SAR1A: variants seen among roughly 807,000 people sequenced by gnomAD.
SAR1A encodes the protein secretion associated Ras related GTPase 1A.
Under a neutral mutation model 22.6 loss-of-function variants are expected in SAR1A, and 6 were observed. The observed-to-expected ratio is 0.27, with a 90% CI of 0.15 to 0.52. The LOEUF (loss-of-function observed/expected upper bound fraction) is 0.52. Among genes scored for constraint, SAR1A ranks in the 20% least tolerant of loss-of-function variants. SAR1A has a pLI of 0.96. For synonymous variants in SAR1A, 70 were observed against 82.2 expected, an observed-to-expected ratio of 0.85 and a Z score of 0.80; for missense variants, 145 against 245.1, an observed-to-expected ratio of 0.59 and a Z score of 2.73.
At chr10:70,161,309 C>T in intron 3 of SAR1A, 1 of 551,380 alleles carries the variant, frequency 1.8e-6, no homozygotes, top group Non-Finnish European at 3.2e-6. Flanking sequence ...AAAAGGAATA[C>T]AAGGGTGAAA....
At chr10:70,162,284 G>A (rs1331360421) in intron 1 of SAR1A, among the ~76,000 whole-genome samples, 1 of 150,994 alleles carries the variant, frequency 6.6e-6, no homozygotes, top group Non-Finnish European at 1.5e-5. Context: ...AGGCTGCAGT[G>A]AGGCATGACG....
chr10:70,157,296 C>A (rs1046534505), intron 5 of SAR1A, among the ~76,000 whole-genome samples: 2 of 151,150 alleles, frequency 1.3e-5, no homozygotes, highest in Non-Finnish European at 2.9e-5. Context: ...CCCAGCTACT[C>A]GGGAGGCTGA....
chr10:70,161,177 A>G, intron 3 of SAR1A, 108 bp from the exon 4 acceptor site: 1 of 854,284 alleles, frequency 1.2e-6, no homozygotes, highest in South Asian at 1.7e-5. Flanking sequence ...AAAAAGATAC[A>G]AGAAGTTGAG....
At chr10:70,158,619 T>A (rs371707053) in intron 4 of SAR1A, among the ~76,000 whole-genome samples, 1 of 152,276 alleles carries the variant, frequency 6.6e-6, no homozygotes, top group African/African-American at 2.4e-5. Context: ...TCTACATCAG[T>A]TAATAATGGT....
At chr10:70,168,590 T>C (rs1047142184) in intron 1 of SAR1A, among the ~76,000 whole-genome samples, 1 of 151,652 alleles carries the variant, frequency 6.6e-6, no homozygotes, top group African/African-American at 2.4e-5. Context: ...AAAAACTCCA[T>C]CTCAAAAAAA....
Position 70,151,224 on chromosome 10 carries a change from G to C in SAR1A, c.*1252C>G, listed in dbSNP as rs1288102117. On this transcript the variant is annotated 3_prime_UTR_variant, in exon 7 of 7. Coordinates refer to ENST00000373241, the MANE Select transcript of SAR1A (RefSeq NM_020150.5). ...AAGTTTTTGGGTTAGTGTTTCCCTAGCTTATTTCTGCAATGGAGAAAGACA... is the reference window on the plus strand; with the variant it reads ...AAGTTTTTGGGTTAGTGTTTCCCTACCTTATTTCTGCAATGGAGAAAGACA... The C allele has an allele frequency of 9.7e-6, 1 of 103,416 alleles. No homozygotes were observed. The highest frequency in any genetic ancestry group is 3.6e-5 in the African/African-American group (1 of 28,168). 6.4% of individuals were successfully genotyped at this position (103,416 alleles called of 1,614,324 possible).
rs568822485 is a variant in SAR1A at position 70,150,894 on chromosome 10, G to C, written c.*1582C>G. On this transcript the variant is annotated 3_prime_UTR_variant, in exon 7 of 7. Transcript: ENST00000373241. Reference sequence around the variant, plus strand: ...AATAAGAATGAGAACTCCAACTAAAGAACAATGCCTCCCTCACCCCAGTAA... The same window carrying C: ...AATAAGAATGAGAACTCCAACTAAACAACAATGCCTCCCTCACCCCAGTAA... The C allele has an allele frequency of 2.0e-5, 3 of 152,390 alleles. No homozygotes were observed. The highest frequency in any genetic ancestry group is 2.1e-4 in the South Asian group (1 of 4,824). The allele number at this position is 152,390 out of a possible 1,614,324, so 9.4% of individuals were successfully genotyped here.
At chr10:70,161,129 G>C in intron 3 of SAR1A, 60 bp from the exon 4 acceptor site, 1 of 1,211,328 alleles carries the variant, frequency 8.3e-7, no homozygotes, top group Non-Finnish European at 1.2e-6. Context: ...CCAACTACTA[G>C]TACTATAAGC....
At position 70,160,997 on chromosome 10, in the gene SAR1A, C is replaced by T. The variant is rs761939025; in HGVS notation, c.244+7G>A. The stretch of plus-strand genomic sequence containing the variant: ...ATAAACATGCTTTCCACTGAGTCAT[C>T]ACTTACCTTGCTCGTGCCCACCAAG... On this transcript the variant is annotated splice_region_variant and intron_variant, in intron 4 of 6. Coordinates refer to ENST00000373241, the MANE Select transcript of SAR1A (RefSeq NM_020150.5). The T allele has an allele frequency of 3.0e-5, 48 of 1,609,150 alleles. No homozygotes were observed. Among genetic ancestry groups the T allele is most frequent in the East Asian group, 2.5e-4 (11 of 44,746 alleles).
At position 70,150,704 on chromosome 10, in the gene SAR1A, C is replaced by T. The variant is rs1839315289; in HGVS notation, c.*1772G>A. 6.6e-6 allele frequency: 1 copy of T among 152,256 alleles called. No homozygotes were observed. The highest frequency in any genetic ancestry group is 2.4e-5 in the African/African-American group (1 of 41,458). 9.4% of individuals were successfully genotyped at this position (152,256 alleles called of 1,614,324 possible). A position where few individuals can be genotyped will look rare whatever the true frequency, so the allele number is the denominator to read the frequency against. ...TCATTCACTGTTAGCTAGATTTGTT[C>T]ACTTAAGGCTTTAACCCCTTTCCAA... is the stretch of plus-strand genomic sequence containing the variant. On this transcript the variant is annotated 3_prime_UTR_variant, in exon 7 of 7. Transcript: ENST00000373241.
chr10:70,162,094 T>C (rs1839475534), intron 1 of SAR1A, among the ~76,000 whole-genome samples, 163 bp from the exon 2 acceptor site: 1 of 152,042 alleles, frequency 6.6e-6, no homozygotes, highest in Admixed American at 6.5e-5. Context: ...AATCCCAGCA[T>C]TTGGGAAAGC....
At chr10:70,164,007 G>C in intron 1 of SAR1A, 1 of 967,488 alleles carries the variant, frequency 1.0e-6, no homozygotes. Context: ...ACTTCACCAT[G>C]TGATGACAAA....
intron 5 of SAR1A, 176 bp downstream of exon 5, chr10:70,157,588 A>T: frequency 1.8e-6 from 1 of 555,546 alleles, no homozygotes; most frequent in Non-Finnish European, 3.2e-6. Flanking sequence ...TCCTCAGGAC[A>T]TTGAAAAGCA....
intron 6 of SAR1A, among the ~76,000 whole-genome samples, chr10:70,153,329 T>C (rs902990821): frequency 1.3e-5 from 2 of 152,194 alleles, no homozygotes; most frequent in African/African-American, 4.8e-5. Flanking sequence ...CTTTTTCTGG[T>C]TTTATCACTG....
chr10:70,151,596 C>T lies in SAR1A; in HGVS notation c.*880G>A, dbSNP rs1839327841. 6.6e-6 allele frequency: 1 copy of T among 152,576 alleles called. No individual in the cohort carries two copies. The highest frequency in any genetic ancestry group is 1.5e-5 in the Non-Finnish European group (1 of 68,038). The allele number at this position is 152,576 out of a possible 1,614,324, so 9.5% of individuals were successfully genotyped here. ...TGCAGTATGTGACACGAGAGATGTT[C>T]TCAACTCTTTTATGAGGTCAAAGTC... On this transcript the variant is annotated 3_prime_UTR_variant, in exon 7 of 7. Coordinates refer to ENST00000373241, the MANE Select transcript of SAR1A (RefSeq NM_020150.5).
chr10:70,160,773 C>T (rs1192700425), intron 4 of SAR1A, among the ~76,000 whole-genome samples: 3 of 151,940 alleles, frequency 2.0e-5, no homozygotes, highest in African/African-American at 7.3e-5. Context: ...TATCCCAGCT[C>T]AATAGGGTAA....
At chr10:70,158,490 T>C (rs1003776174) in intron 4 of SAR1A, among the ~76,000 whole-genome samples, 1 of 152,150 alleles carries the variant, frequency 6.6e-6, no homozygotes, top group African/African-American at 2.4e-5. Context: ...TTATAAATAT[T>C]ACTTGGTTTT....
rs35980620 is a variant in SAR1A, at chr10:70,148,790, AAAAC to A, written c.*3682_*3685del. ...GGGCGACAGAGTGAGACCAACTCAA[AAAAC>A]AAACAAACAAACAAACAAACAAACT... On this transcript the variant is annotated 3_prime_UTR_variant, in exon 7 of 7. Transcript: ENST00000373241. 6,582 of 152,882 alleles carry A rather than the reference AAAAC, an allele frequency of 0.043. 265 individuals carry two copies. Among genetic ancestry groups the A allele is most frequent in the East Asian group, 0.15 (781 of 5,104 alleles). The allele number at this position is 152,882 out of a possible 1,614,324, so 9.5% of individuals were successfully genotyped here.
chr10:70,147,844 A>T lies in SAR1A; in HGVS notation c.*4632T>A, dbSNP rs1008895835. 8.5e-5 allele frequency: 13 copies of T among 152,252 alleles called. No homozygotes were observed. Among genetic ancestry groups the T allele is most frequent in the African/African-American group, 3.1e-4 (13 of 41,464 alleles). The allele number at this position is 152,252 out of a possible 1,614,324, so 9.4% of individuals were successfully genotyped here. A position where few individuals can be genotyped will look rare whatever the true frequency, so the allele number is the denominator to read the frequency against. ...TAGACAGTTTACAAAGGTCTGCTTTATCACTGAATTGATAAAATACACATT... is the reference window on the plus strand; with the variant it reads ...TAGACAGTTTACAAAGGTCTGCTTTTTCACTGAATTGATAAAATACACATT... On this transcript the variant is annotated 3_prime_UTR_variant, in exon 7 of 7. Transcript: ENST00000373241.
Sources: allele counts gnomAD v4.1 joint callset (sites outside exome capture counted in the v4.1 genomes callset), GRCh38; gene constraint gnomAD v4.1.1; transcripts MANE v1.5; gene names NCBI Gene and HGNC (gene_info 2026-07-23, HGNC 2026-07-21).